KCNIP4: variants seen among roughly 807,000 people sequenced by gnomAD.
KCNIP4 encodes Kv channel-interacting protein 4.
A neutral mutation model predicts 34.0 loss-of-function variants in KCNIP4; 12 were observed. The observed-to-expected ratio is 0.35, with a 90% CI of 0.23 to 0.57. The LOEUF (loss-of-function observed/expected upper bound fraction) is 0.57. KCNIP4 is among the 20% of genes least tolerant of loss of function. KCNIP4 has a pLI of 0.83. For missense variants in KCNIP4, 238 were observed against 311.7 expected, an observed-to-expected ratio of 0.76 and a Z score of 1.78; for synonymous variants, 124 against 102.2, an observed-to-expected ratio of 1.21 and a Z score of -1.29.
At chr4:21,748,453 G>A (rs184868375) in intron 1 of KCNIP4, among the ~76,000 whole-genome samples, 1 of 152,294 alleles carries the variant, frequency 6.6e-6, no homozygotes, top group African/African-American at 2.4e-5. Flanking sequence ...GTGGTTTAGA[G>A]TAAATGCCAA....
intron 1 of KCNIP4, among the ~76,000 whole-genome samples, chr4:21,737,327 C>T (rs73119508): frequency 0.011 from 1,653 of 152,084 alleles, 24 homozygotes; most frequent in African/African-American, 0.038. Context: ...TATGTTCACA[C>T]ATATATTGCT....
intron 1 of KCNIP4, among the ~76,000 whole-genome samples, chr4:21,025,555 T>G (rs1433755716): frequency 1.7e-5 from 2 of 117,844 alleles, no homozygotes; most frequent in African/African-American, 3.7e-5. Flanking sequence ...TTTTTTTTTT[T>G]TTTTTTTTTT....
chr4:21,357,620 T>C (rs146165696), intron 1 of KCNIP4, among the ~76,000 whole-genome samples: 3,199 of 152,288 alleles, frequency 0.021, 49 homozygotes, highest in Middle Eastern at 0.044. Flanking sequence ...CAAAATGAGA[T>C]ACCATCTCAT....
chr4:21,839,466 AAAG>A (rs1414988922), intron 1 of KCNIP4, among the ~76,000 whole-genome samples: 1 of 152,202 alleles, frequency 6.6e-6, no homozygotes, highest in Non-Finnish European at 1.5e-5. Context: ...CTAGAAAAAG[AAAG>A]AAGACCAGTT....
chr4:21,802,551 A>C (rs1346492585), intron 1 of KCNIP4, among the ~76,000 whole-genome samples: 1 of 152,216 alleles, frequency 6.6e-6, no homozygotes, highest in Non-Finnish European at 1.5e-5. Flanking sequence ...TGTACATCAT[A>C]ATAGAAACAG....
chr4:21,376,961 C>T (rs1721016689), intron 1 of KCNIP4, among the ~76,000 whole-genome samples: 1 of 152,172 alleles, frequency 6.6e-6, no homozygotes, highest in South Asian at 2.1e-4. Flanking sequence ...GAATATCAAA[C>T]ATAATTTCTT....
intron 5 of KCNIP4, among the ~76,000 whole-genome samples, chr4:20,740,717 C>T (rs893061192): frequency 2.6e-5 from 4 of 152,166 alleles, no homozygotes; most frequent in African/African-American, 9.7e-5. Flanking sequence ...CAAATTCACA[C>T]ATAACAATAT....
intron 2 of KCNIP4, among the ~76,000 whole-genome samples, chr4:20,853,789 A>T (rs1721288450): frequency 6.6e-6 from 1 of 152,222 alleles, no homozygotes; most frequent in Admixed American, 6.5e-5. Context: ...AACGAACTCA[A>T]ATGAGTAAGA....
At chr4:21,714,009 T>A (rs1433022841) in intron 1 of KCNIP4, among the ~76,000 whole-genome samples, 2 of 152,172 alleles carry the variant, frequency 1.3e-5, no homozygotes, top group Non-Finnish European at 2.9e-5. Context: ...ATTATAATAA[T>A]CCTGAAGTGA....
At chr4:21,242,576 G>T (rs2109054225) in intron 1 of KCNIP4, among the ~76,000 whole-genome samples, 1 of 152,154 alleles carries the variant, frequency 6.6e-6, no homozygotes, top group African/African-American at 2.4e-5. Flanking sequence ...ATGTGTTTGG[G>T]GATCAACCAA....
chr4:20,933,528 T>C (rs779432471), intron 1 of KCNIP4, among the ~76,000 whole-genome samples: 20 of 152,302 alleles, frequency 1.3e-4, no homozygotes, highest in Middle Eastern at 6.8e-3. Flanking sequence ...TGGACTATCA[T>C]TACATGGTTT....
intron 1 of KCNIP4, among the ~76,000 whole-genome samples, chr4:21,148,283 CT>C (rs1752529133): frequency 6.6e-6 from 1 of 152,100 alleles, no homozygotes; most frequent in African/African-American, 2.4e-5. Flanking sequence ...AAATAACAAC[CT>C]TCAGAGAACA....
chr4:21,895,552 C>G (rs1560794288), intron 1 of KCNIP4, among the ~76,000 whole-genome samples: 1 of 152,082 alleles, frequency 6.6e-6, no homozygotes. Flanking sequence ...AGGATCACCA[C>G]AAGAATTAAA....
At chr4:21,611,858 T>C (rs777433941) in intron 1 of KCNIP4, among the ~76,000 whole-genome samples, 19 of 152,278 alleles carry the variant, frequency 1.2e-4, no homozygotes, top group African/African-American at 4.1e-4. Flanking sequence ...AGACCAACTA[T>C]GGAAGAATCC....
intron 1 of KCNIP4, chr4:21,846,290 T>G (rs143565826): frequency 3.0e-4 from 46 of 152,206 alleles, no homozygotes; most frequent in African/African-American, 1.1e-3. Flanking sequence ...AGAGATAACA[T>G]ACAGACAGAT....
chr4:21,710,114 A>T (rs1249240697), intron 1 of KCNIP4, among the ~76,000 whole-genome samples: 2 of 152,236 alleles, frequency 1.3e-5, no homozygotes. Context: ...GACTTACATA[A>T]GGCAGAATAT....
chr4:20,787,207 A>G (rs1314332251), intron 3 of KCNIP4, among the ~76,000 whole-genome samples: 4 of 152,190 alleles, frequency 2.6e-5, no homozygotes, highest in Admixed American at 2.0e-4. Flanking sequence ...TTACATCTCA[A>G]AAAGCAGTTT....
intron 1 of KCNIP4, among the ~76,000 whole-genome samples, chr4:21,315,784 C>T (rs2109286283): frequency 6.6e-6 from 1 of 152,302 alleles, no homozygotes; most frequent in South Asian, 2.1e-4. Flanking sequence ...CCCTTCTGAT[C>T]TACCCACTGT....
At chr4:21,682,239 C>T (rs976157586) in intron 1 of KCNIP4, among the ~76,000 whole-genome samples, 4 of 152,156 alleles carry the variant, frequency 2.6e-5, no homozygotes, top group African/African-American at 9.7e-5. Context: ...AACCCACACA[C>T]TATTGTGAGA....
Sources: gnomAD v4.1 joint callset for allele counts (sites outside exome capture counted in the v4.1 genomes callset) on GRCh38, gnomAD v4.1.1 for gene constraint, MANE v1.5 for transcripts, NCBI Gene and HGNC (gene_info 2026-07-23, HGNC 2026-07-21) for gene names.